TMTC2: variants seen among roughly 807,000 people sequenced by gnomAD.
TMTC2 encodes protein O-mannosyl-transferase TMTC2.
TMTC2 carries 43 observed loss-of-function variants against 82.4 expected under a neutral mutation model. That is an observed-to-expected ratio of 0.52 (90% CI 0.41 to 0.67). The LOEUF is 0.67. Among genes scored for constraint, TMTC2 ranks in the 30% least tolerant of loss-of-function variants. The probability of loss-of-function intolerance (pLI) is 0.00; values close to 1 mark genes in which losing one functional copy is unlikely to be tolerated. For synonymous variants in TMTC2, 408 were observed against 381.9 expected, an observed-to-expected ratio of 1.07 and a Z score of -0.80; for missense variants, 919 against 1,012.4, an observed-to-expected ratio of 0.91 and a Z score of 1.25.
At chr12:83,111,411 A>C (rs1424920982) in intron 11 of TMTC2, among the ~76,000 whole-genome samples, 18 of 152,228 alleles carry the variant, frequency 1.2e-4, no homozygotes, top group Non-Finnish European at 1.5e-5. Context: ...TATATGATCA[A>C]GTGTGGTTAT....
At chr12:83,096,797 A>C (rs1345520398) in intron 11 of TMTC2, among the ~76,000 whole-genome samples, 3 of 152,016 alleles carry the variant, frequency 2.0e-5, no homozygotes, top group Non-Finnish European at 4.4e-5. Flanking sequence ...CTTAGTTCCA[A>C]CTCAGGACTT....
chr12:82,792,818 G>T (rs1221889373), intron 1 of TMTC2, among the ~76,000 whole-genome samples: 1 of 151,892 alleles, frequency 6.6e-6, no homozygotes, highest in Non-Finnish European at 1.5e-5. Context: ...AGATTCTGGA[G>T]ATGAATATTC....
At chr12:83,099,879 T>G (rs1884155495) in intron 11 of TMTC2, among the ~76,000 whole-genome samples, 1 of 152,002 alleles carries the variant, frequency 6.6e-6, no homozygotes. Context: ...ATTTTGATAA[T>G]ATGCTATAAA....
At chr12:82,831,663 C>G (rs905120004) in intron 1 of TMTC2, among the ~76,000 whole-genome samples, 1 of 152,016 alleles carries the variant, frequency 6.6e-6, no homozygotes, top group Admixed American at 6.6e-5. Flanking sequence ...GGGTGGAAAT[C>G]AGATTATTGG....
intron 1 of TMTC2, among the ~76,000 whole-genome samples, chr12:82,771,929 T>C (rs1239720661): frequency 2.6e-5 from 4 of 152,158 alleles, no homozygotes; most frequent in African/African-American, 9.7e-5. Flanking sequence ...CCATGCCATA[T>C]TTGCACTAGA....
chr12:82,968,480 C>T (rs918634675), intron 7 of TMTC2, among the ~76,000 whole-genome samples: 1 of 152,086 alleles, frequency 6.6e-6, no homozygotes, highest in East Asian at 1.9e-4. Flanking sequence ...GTTGCTTTCT[C>T]TAGCTTTGGT....
intron 4 of TMTC2, among the ~76,000 whole-genome samples, chr12:82,934,324 C>T (rs1337867947): frequency 6.6e-6 from 1 of 152,122 alleles, no homozygotes; most frequent in African/African-American, 2.4e-5. Context: ...TGGTTTGCTG[C>T]ACCCATCAAC....
intron 1 of TMTC2, among the ~76,000 whole-genome samples, chr12:82,715,895 C>G (rs989375282): frequency 2.0e-5 from 3 of 152,246 alleles, no homozygotes; most frequent in African/African-American, 7.2e-5. Context: ...AGCCATGAGT[C>G]CTGTAGAAAT....
rs541580474 is a variant in TMTC2 at position 82,808,914 on chromosome 12, G to A, written c.84-48096G>A. Among the ~76,000 whole-genome samples the A allele has an allele frequency of 3.7e-4, 56 of 151,628 alleles. No individual in the cohort carries two copies. In the South Asian group the frequency reaches 0.011, roughly 30 times the overall value. On this transcript the variant is annotated intron_variant, in intron 1 of 11. Coordinates refer to ENST00000321196, the MANE Select transcript of TMTC2 (RefSeq NM_152588.3). ...TTGTCCATTACTATATAAAATTACA[G>A]TTAAATTCTTATATAATCTCTTTTT...
chr12:82,690,956 T>A (rs987894350), intron 1 of TMTC2, among the ~76,000 whole-genome samples: 4 of 152,178 alleles, frequency 2.6e-5, no homozygotes, highest in Non-Finnish European at 5.9e-5. Flanking sequence ...TTAATAATAC[T>A]GTTATGAGTT....
chr12:82,735,521 AT>A (rs1875055929), intron 1 of TMTC2, among the ~76,000 whole-genome samples: 1 of 151,752 alleles, frequency 6.6e-6, no homozygotes, highest in South Asian at 2.1e-4. Context: ...AATTTTTTGT[AT>A]TTTTAGTAGA....
At chr12:82,773,350 AT>A (rs537747760) in intron 1 of TMTC2, among the ~76,000 whole-genome samples, 7 of 152,172 alleles carry the variant, frequency 4.6e-5, no homozygotes, top group Non-Finnish European at 7.3e-5. Flanking sequence ...GTGATAAATA[AT>A]TAATATTACT....
At chr12:83,048,924 C>T (rs1882243490) in intron 9 of TMTC2, among the ~76,000 whole-genome samples, 1 of 152,204 alleles carries the variant, frequency 6.6e-6, no homozygotes, top group Non-Finnish European at 1.5e-5. Flanking sequence ...CTGCCTTGGC[C>T]TCCCAAAGTG....
intron 1 of TMTC2, among the ~76,000 whole-genome samples, chr12:82,824,052 C>T (rs1042460717): frequency 3.3e-5 from 5 of 152,106 alleles, no homozygotes; most frequent in African/African-American, 1.2e-4. Context: ...CACCACCAGG[C>T]CCAGCTAATT....
At chr12:83,099,632 C>T (rs951871153) in intron 11 of TMTC2, among the ~76,000 whole-genome samples, 1 of 151,956 alleles carries the variant, frequency 6.6e-6, no homozygotes, top group African/African-American at 2.4e-5. Flanking sequence ...TGAGATGCCT[C>T]CTGAGAAGAA....
chr12:82,888,914 A>C (rs549597597), intron 2 of TMTC2, among the ~76,000 whole-genome samples: 10 of 152,352 alleles, frequency 6.6e-5, no homozygotes, highest in African/African-American at 2.4e-4. Flanking sequence ...ATATTAGAAC[A>C]TGGAAAATAT....
chr12:82,698,067 T>A (rs1232892793), intron 1 of TMTC2, among the ~76,000 whole-genome samples: 3 of 152,314 alleles, frequency 2.0e-5, no homozygotes, highest in African/African-American at 7.2e-5. Context: ...GTATGACTTT[T>A]TAACCTGGTA....
chr12:82,949,284 T>G (rs1877217993), intron 4 of TMTC2, among the ~76,000 whole-genome samples: 1 of 152,216 alleles, frequency 6.6e-6, no homozygotes. Flanking sequence ...AAATCATTTG[T>G]GGTTAGTGCC....
intron 11 of TMTC2, among the ~76,000 whole-genome samples, chr12:83,127,753 G>A (rs1372783801): frequency 6.6e-6 from 1 of 151,972 alleles, no homozygotes; most frequent in East Asian, 1.9e-4. Flanking sequence ...AGAGTCTCAA[G>A]GGCCTTAAAC....
Sources: gnomAD v4.1 joint callset for allele counts (sites outside exome capture counted in the v4.1 genomes callset) on GRCh38, gnomAD v4.1.1 for gene constraint, MANE v1.5 for transcripts, NCBI Gene and HGNC (gene_info 2026-07-23, HGNC 2026-07-21) for gene names.